The following DSCAM variants were observed in gnomAD, a reference collection of about 807,000 sequenced individuals.
DSCAM encodes the protein DS cell adhesion molecule, also known as cell adhesion molecule DSCAM.
Under a neutral mutation model 217.7 loss-of-function variants are expected in DSCAM, and 47 were observed. That is an observed-to-expected ratio of 0.22 (90% CI 0.17 to 0.28). DSCAM has a LOEUF of 0.28. Ranked by LOEUF, DSCAM falls within the 10% of genes least tolerant of loss-of-function variation. DSCAM has a pLI of 1.00. For missense variants in DSCAM, 2,080 were observed against 2,618.3 expected, an observed-to-expected ratio of 0.79 and a Z score of 4.49; for synonymous variants, 1,056 against 1,015.3, an observed-to-expected ratio of 1.04 and a Z score of -0.76.
Position 40,628,693 on chromosome 21 carries a change from CTAT to C in DSCAM, c.508+64114_508+64116del, listed in dbSNP as rs2089637476. Among the ~76,000 whole-genome samples the C allele has an allele frequency of 0.014, 9 of 648 alleles. No homozygotes were observed. In the South Asian group the frequency reaches 0.36, roughly 26 times the overall value. The allele number at this position is 648 out of a possible 152,430, so 0.4% of individuals were successfully genotyped here. A position where few individuals can be genotyped will look rare whatever the true frequency, so the allele number is the denominator to read the frequency against. The stretch of plus-strand genomic sequence containing the variant: ...GAATGGTCCATGGTATAAGCACTTG[CTAT>C]CTATCTATCTATCTATCTATCTATC... On this transcript the variant is annotated intron_variant, in intron 3 of 32. Coordinates refer to ENST00000400454, the MANE Select transcript of DSCAM (RefSeq NM_001389.5).
intron 1 of DSCAM, among the ~76,000 whole-genome samples, chr21:40,758,367 A>G (rs947841852): frequency 1.3e-5 from 2 of 152,100 alleles, no homozygotes; most frequent in African/African-American, 2.4e-5. Flanking sequence ...AACACAGAAT[A>G]AAGACCTAAA....
chr21:40,221,027 A>G (rs2146903359), intron 11 of DSCAM, among the ~76,000 whole-genome samples: 1 of 152,324 alleles, frequency 6.6e-6, no homozygotes, highest in South Asian at 2.1e-4. Context: ...TGAGGCTCAG[A>G]GGTGCTCAGA....
At chr21:40,017,096 T>G (rs1349070679) in intron 32 of DSCAM, among the ~76,000 whole-genome samples, 2 of 126,056 alleles carry the variant, frequency 1.6e-5, no homozygotes, top group Admixed American at 1.7e-4. Context: ...AGGATGAAAC[T>G]CCATCTCAAA....
At chr21:40,604,272 C>T (rs996404022) in intron 3 of DSCAM, among the ~76,000 whole-genome samples, 7 of 152,114 alleles carry the variant, frequency 4.6e-5, no homozygotes, top group African/African-American at 1.7e-4. Context: ...TGAGTTCTAG[C>T]ACCTCCTTTA....
Position 40,012,101 on chromosome 21 carries a change from G to T in DSCAM, c.*933C>A, listed in dbSNP as rs570820639. On this transcript the variant is annotated 3_prime_UTR_variant, in exon 33 of 33. Transcript: ENST00000400454. ...TAAAAAACAGCAGGAGGCTGGATTT[G>T]GCCCATAGGCCACAGTCAGTTGAAC... The T allele has an allele frequency of 6.6e-6, 1 of 152,328 alleles. No homozygotes were observed. Among genetic ancestry groups the T allele is most frequent in the South Asian group, 2.1e-4 (1 of 4,834 alleles). The allele number at this position is 152,328 out of a possible 1,614,324, so 9.4% of individuals were successfully genotyped here. A position where few individuals can be genotyped will look rare whatever the true frequency, so the allele number is the denominator to read the frequency against.
At chr21:40,339,457 T>A in intron 6 of DSCAM, 42 bp from the exon 7 acceptor site, 1 of 1,516,764 alleles carries the variant, frequency 6.6e-7, no homozygotes, top group Non-Finnish European at 8.9e-7. Flanking sequence ...CACATACAAA[T>A]AATTAAACAA....
At chr21:40,651,256 A>T (rs1471536334) in intron 3 of DSCAM, among the ~76,000 whole-genome samples, 1 of 152,142 alleles carries the variant, frequency 6.6e-6, no homozygotes, top group Non-Finnish European at 1.5e-5. Flanking sequence ...TTTGAATCAC[A>T]ATGTTTAACA....
At chr21:40,182,488 A>C (rs1057241180) in intron 14 of DSCAM, among the ~76,000 whole-genome samples, 1 of 151,836 alleles carries the variant, frequency 6.6e-6, no homozygotes, top group African/African-American at 2.4e-5. Flanking sequence ...GGGACAAGAG[A>C]AACTGTGGAC....
chr21:40,223,637 T>C (rs1869807578), intron 11 of DSCAM, among the ~76,000 whole-genome samples: 1 of 152,228 alleles, frequency 6.6e-6, no homozygotes, highest in African/African-American at 2.4e-5. Flanking sequence ...ATAGATTTTT[T>C]TGTCTTTTAA....
intron 3 of DSCAM, among the ~76,000 whole-genome samples, chr21:40,643,782 A>G (rs1180180574): frequency 6.6e-6 from 1 of 152,210 alleles, no homozygotes; most frequent in Non-Finnish European, 1.5e-5. Context: ...GCACAGAGGA[A>G]ACACCATGTG....
intron 3 of DSCAM, among the ~76,000 whole-genome samples, chr21:40,454,396 G>A (rs1022376439): frequency 6.6e-6 from 1 of 152,158 alleles, no homozygotes. Flanking sequence ...AACCATATCT[G>A]TGAAAGTTTT....
At chr21:40,788,926 G>A (rs915090613) in intron 1 of DSCAM, among the ~76,000 whole-genome samples, 1 of 152,122 alleles carries the variant, frequency 6.6e-6, no homozygotes, top group Non-Finnish European at 1.5e-5. Flanking sequence ...CAATTTAGAG[G>A]TAGCCTTAAA....
At chr21:40,715,207 T>A (rs2090828878) in intron 1 of DSCAM, among the ~76,000 whole-genome samples, 1 of 152,364 alleles carries the variant, frequency 6.6e-6, no homozygotes, top group South Asian at 2.1e-4. Context: ...TCATACAGAA[T>A]AGGTGAAACC....
chr21:40,236,875 TGAG>T (rs1325652886), intron 11 of DSCAM, among the ~76,000 whole-genome samples: 1 of 152,128 alleles, frequency 6.6e-6, no homozygotes, highest in African/African-American at 2.4e-5. Context: ...GCAAGGCACA[TGAG>T]GAGAACAGTG....
intron 1 of DSCAM, among the ~76,000 whole-genome samples, chr21:40,730,136 C>G (rs1237630025): frequency 1.3e-5 from 2 of 152,126 alleles, no homozygotes; most frequent in Non-Finnish European, 2.9e-5. Context: ...TAATATGCAC[C>G]AGCTGTGTAA....
intron 3 of DSCAM, among the ~76,000 whole-genome samples, chr21:40,578,822 C>T (rs528829610): frequency 6.6e-6 from 1 of 152,058 alleles, no homozygotes; most frequent in African/African-American, 2.4e-5. Flanking sequence ...GAATCCATCC[C>T]TGGGAATGGG....
At chr21:40,410,224 T>C (rs1601620878) in intron 3 of DSCAM, among the ~76,000 whole-genome samples, 1 of 152,052 alleles carries the variant, frequency 6.6e-6, no homozygotes, top group Non-Finnish European at 1.5e-5. Flanking sequence ...AAAATTATCA[T>C]TGGTTGGGAT....
At chr21:40,167,731 C>T (rs757929084) in intron 15 of DSCAM, among the ~76,000 whole-genome samples, 14 of 152,202 alleles carry the variant, frequency 9.2e-5, no homozygotes, top group Non-Finnish European at 1.5e-4. Context: ...AATCAAGATT[C>T]TTCTGCCTTT....
At chr21:40,063,308 C>T (rs1206685887) in intron 27 of DSCAM, among the ~76,000 whole-genome samples, 1 of 152,092 alleles carries the variant, frequency 6.6e-6, no homozygotes, top group African/African-American at 2.4e-5. Context: ...TTACAGAGCT[C>T]TGAGTTCCTT....
Sources: allele counts gnomAD v4.1 joint callset (sites outside exome capture counted in the v4.1 genomes callset), GRCh38; gene constraint gnomAD v4.1.1; transcripts MANE v1.5; gene names NCBI Gene and HGNC (gene_info 2026-07-23, HGNC 2026-07-21).